FOXN3: variants seen among roughly 807,000 people sequenced by gnomAD.
FOXN3 encodes forkhead box N3.
In FOXN3, 7 loss-of-function variants were observed where a neutral mutation model predicts 38.4. The observed-to-expected ratio is 0.18, with a 90% confidence interval of 0.10 to 0.34. The LOEUF (loss-of-function observed/expected upper bound fraction) is 0.34. FOXN3 is among the 10% of genes least tolerant of loss of function. The probability of loss-of-function intolerance (pLI) is 1.00; values close to 1 mark genes in which losing one functional copy is unlikely to be tolerated. For synonymous variants in FOXN3, 230 were observed against 242.2 expected (o/e 0.95, Z 0.47); for missense variants, 456 against 613.4 (o/e 0.74, Z 2.71).
intron 4 of FOXN3, among the ~76,000 whole-genome samples, chr14:89,258,297 G>A (rs1225017590): frequency 6.6e-6 from 1 of 152,200 alleles, no homozygotes; most frequent in Non-Finnish European, 1.5e-5. Flanking sequence ...CCCCCTGGAA[G>A]GGAGGAGAAA....
intron 2 of FOXN3, among the ~76,000 whole-genome samples, chr14:89,397,568 C>A (rs1421771025): frequency 6.6e-6 from 1 of 151,948 alleles, no homozygotes; most frequent in Non-Finnish European, 1.5e-5. Flanking sequence ...CGTCTGAGGA[C>A]CCCCTACCAC....
In FOXN3 at chr14:89,299,794, C is replaced by T. The variant is rs965731846; in HGVS notation, c.681-18780G>A. On this transcript the variant is annotated intron_variant, in intron 3 of 5. Coordinates refer to ENST00000557258, the MANE Select transcript of FOXN3 (RefSeq NM_005197.4). ...GAGGTCTTGACAATGGTACAAATGG[C>T]ACCAGTGCAACAGGTGGAACCAGCT... Among the ~76,000 whole-genome samples, 5 of 152,174 alleles carry T rather than the reference C, an allele frequency of 3.3e-5. No homozygotes were observed. The East Asian group carries it at 7.7e-4, about 23-fold the overall frequency.
At chr14:89,521,267 A>G (rs61996498) in intron 1 of FOXN3, among the ~76,000 whole-genome samples, 60,353 of 151,676 alleles carry the variant, frequency 0.4, 12,195 homozygotes, top group Non-Finnish European at 0.43. Flanking sequence ...CCAAGATTGC[A>G]CCACTGCACT....
chr14:89,257,379 A>T (rs1885657007), intron 4 of FOXN3, among the ~76,000 whole-genome samples: 1 of 152,260 alleles, frequency 6.6e-6, no homozygotes, highest in Non-Finnish European at 1.5e-5. Flanking sequence ...AGAGAGTGTG[A>T]AGAAGTTCCT....
At chr14:89,480,773 T>C (rs1893309792) in intron 1 of FOXN3, among the ~76,000 whole-genome samples, 1 of 152,224 alleles carries the variant, frequency 6.6e-6, no homozygotes, top group Non-Finnish European at 1.5e-5. Flanking sequence ...AAGTTATTCC[T>C]ATATTGTTTA....
chr14:89,464,023 A>AGTGAATTTTGAATTTTTAG (rs1566664828), intron 1 of FOXN3, among the ~76,000 whole-genome samples: 1 of 152,088 alleles, frequency 6.6e-6, no homozygotes, highest in African/African-American at 2.4e-5. Context: ...ACCTCAGGTG[A>AGTGAATTTTGAATTTTTAG]TCCACATGCC....
At chr14:89,572,510 T>C (rs1207564188) in intron 1 of FOXN3, among the ~76,000 whole-genome samples, 1 of 152,236 alleles carries the variant, frequency 6.6e-6, no homozygotes, top group African/African-American at 2.4e-5. Flanking sequence ...GTAATTTTTC[T>C]AATTGCTGGA....
intron 2 of FOXN3, among the ~76,000 whole-genome samples, chr14:89,367,701 G>A (rs1566969990): frequency 6.6e-6 from 1 of 152,074 alleles, no homozygotes; most frequent in Non-Finnish European, 1.5e-5. Flanking sequence ...TAAACAAACA[G>A]AATCTACCCA....
chr14:89,446,171 A>G (rs1892491692), intron 1 of FOXN3, among the ~76,000 whole-genome samples: 1 of 135,310 alleles, frequency 7.4e-6, no homozygotes, highest in Non-Finnish European at 1.6e-5. Flanking sequence ...TCTCCTTCCT[A>G]AAAGTCTTTT....
intron 4 of FOXN3, among the ~76,000 whole-genome samples, chr14:89,219,190 G>A (rs372036668): frequency 6.6e-6 from 1 of 152,074 alleles, no homozygotes; most frequent in African/African-American, 2.4e-5. Context: ...TCATGGGGGT[G>A]GATGTCCCCA....
chr14:89,544,408 G>A lies in FOXN3; in HGVS notation c.-15+74620C>T, dbSNP rs141480001. On this transcript the variant is annotated intron_variant, in intron 1 of 6. Coordinates refer to the FOXN3 transcript ENST00000345097. ...GAATGTAATAGCGTGATCACAGGTC[G>A]TTGTAAACTTAAAACTCTGGGCTAG... Among the ~76,000 whole-genome samples the A allele has an allele frequency of 4.0e-4, 61 of 151,910 alleles. No homozygotes were observed. The East Asian group carries it at 0.011, about 27-fold the overall frequency.
rs1248918356 is a variant in FOXN3 at position 89,416,936 on chromosome 14, C to G, written c.-80G>C. 1 of 150,780 alleles carries G rather than the reference C, an allele frequency of 6.6e-6. No individual in the cohort carries two copies. The highest frequency in any genetic ancestry group is 2.4e-5 in the African/African-American group (1 of 41,246). The allele number at this position is 150,780 out of a possible 1,614,324, so 9.3% of individuals were successfully genotyped here. On this transcript the variant is annotated 5_prime_UTR_variant, in exon 1 of 6. Transcript: ENST00000557258. ...CCTTCAGCAGGAGCCGACAAACTTT[C>G]GCGGGCGCCCGGCGGGCATCGCTCG... is the stretch of plus-strand genomic sequence containing the variant.
intron 3 of FOXN3, among the ~76,000 whole-genome samples, chr14:89,313,956 A>AGAAT (rs894688837): frequency 5.3e-5 from 8 of 152,194 alleles, no homozygotes; most frequent in Non-Finnish European, 2.9e-5. Flanking sequence ...AACAGAAAGT[A>AGAAT]GAATGGTGGT....
chr14:89,448,944 CAAA>C (rs56206718), intron 1 of FOXN3, among the ~76,000 whole-genome samples: 6 of 146,262 alleles, frequency 4.1e-5, no homozygotes, highest in Admixed American at 1.4e-4. Context: ...AACACTGTCT[CAAA>C]AAAAAAAAAG....
In FOXN3 at chr14:89,360,294, G is replaced by C. The variant is rs376878013; in HGVS notation, c.544-9486C>G. Among the ~76,000 whole-genome samples the C allele has an allele frequency of 6.0e-5, 9 of 149,848 alleles. No individual in the cohort carries two copies. In the South Asian group the frequency reaches 1.9e-3, roughly 32 times the overall value. ...GAGGGAGGGATGAGAGAGGAAGAGAGAGGGATGGAGAGAGAGAGGGGAAGA... is the reference window on the plus strand; with the variant it reads ...GAGGGAGGGATGAGAGAGGAAGAGACAGGGATGGAGAGAGAGAGGGGAAGA... On this transcript the variant is annotated intron_variant, in intron 2 of 5. Transcript: ENST00000557258.
At chr14:89,509,329 G>GTTGTTTGTTTGT (rs72281256) in intron 1 of FOXN3, among the ~76,000 whole-genome samples, 11 of 151,220 alleles carry the variant, frequency 7.3e-5, no homozygotes, top group Non-Finnish European at 1.5e-4. Flanking sequence ...TTTTTTTGTT[G>GTTGTTTGTTTGT]TTGTTTGTTT....
chr14:89,260,732 C>A (rs78012680), intron 4 of FOXN3, among the ~76,000 whole-genome samples: 7,273 of 152,292 alleles, frequency 0.048, 565 homozygotes, highest in African/African-American at 0.17. Context: ...TTAAGCAGCC[C>A]AAGTGTCGGA....
At chr14:89,613,222 A>G (rs1291109825) in intron 1 of FOXN3, among the ~76,000 whole-genome samples, 1 of 152,000 alleles carries the variant, frequency 6.6e-6, no homozygotes, top group Admixed American at 6.5e-5. Context: ...TCTGAACCTT[A>G]AGAAAGTGGC....
chr14:89,582,159 C>A (rs956051432), intron 1 of FOXN3, among the ~76,000 whole-genome samples: 1 of 152,130 alleles, frequency 6.6e-6, no homozygotes, highest in South Asian at 2.1e-4. Flanking sequence ...AACAGTCCCC[C>A]GTCTGTGGGA....
Sources: allele counts gnomAD v4.1 joint callset (sites outside exome capture counted in the v4.1 genomes callset), GRCh38; gene constraint gnomAD v4.1.1; transcripts MANE v1.5; gene names NCBI Gene and HGNC (gene_info 2026-07-23, HGNC 2026-07-21).